Variants in GOSR1 observed in about 807,000 individuals in gnomAD.
GOSR1 encodes 28 kDa Golgi SNARE protein.
Under a neutral mutation model 35.5 loss-of-function variants are expected in GOSR1, and 21 were observed. That is an observed-to-expected ratio of 0.59 (90% CI 0.42 to 0.85). The LOEUF (loss-of-function observed/expected upper bound fraction) is 0.85. Ranked by LOEUF, GOSR1 falls within the 40% of genes least tolerant of loss-of-function variation. The probability of loss-of-function intolerance (pLI) is 0.00; values close to 1 mark genes in which losing one functional copy is unlikely to be tolerated. For synonymous variants in GOSR1, 94 were observed against 106.6 expected, an observed-to-expected ratio of 0.88 and a Z score of 0.73; for missense variants, 285 against 309.6, an observed-to-expected ratio of 0.92 and a Z score of 0.60.
At chr17:30,499,134 T>C (rs1967107100) in intron 6 of GOSR1, among the ~76,000 whole-genome samples, 1 of 152,198 alleles carries the variant, frequency 6.6e-6, no homozygotes, top group African/African-American at 2.4e-5. Flanking sequence ...CCTAGCATAG[T>C]GTTTCTAAGA....
rs1968150827 is a variant in GOSR1 at position 30,524,526 on chromosome 17, CATT to C, written c.*2149_*2151del. On this transcript the variant is annotated 3_prime_UTR_variant, in exon 9 of 9. Transcript: ENST00000451249. ...ACAGTCTTATATTTAAGGCACCAGT[CATT>C]GTTTCCATTTTTTTTTTAATTCTTC... The C allele has an allele frequency of 8.3e-6, 1 of 121,116 alleles. No individual in the cohort carries two copies. Among genetic ancestry groups the C allele is most frequent in the Non-Finnish European group, 1.7e-5 (1 of 57,222 alleles). The allele number at this position is 121,116 out of a possible 1,614,324, so 7.5% of individuals were successfully genotyped here.
At chr17:30,519,497 CACATTTTATG>C (rs1408307521) in intron 7 of GOSR1, among the ~76,000 whole-genome samples, 12 of 152,120 alleles carry the variant, frequency 7.9e-5, no homozygotes. Context: ...GTTGTGTATT[CACATTTTATG>C]ATATTTTATA....
At chr17:30,478,227 A>T (rs1914083242) in intron 1 of GOSR1, among the ~76,000 whole-genome samples, 1 of 152,248 alleles carries the variant, frequency 6.6e-6, no homozygotes, top group African/African-American at 2.4e-5. Flanking sequence ...TTCGTGGATT[A>T]TGATGATCAA....
chr17:30,519,278 T>C (rs1271597829), intron 7 of GOSR1, among the ~76,000 whole-genome samples: 1 of 151,996 alleles, frequency 6.6e-6, no homozygotes, highest in African/African-American at 2.4e-5. Flanking sequence ...GTCTTGAACT[T>C]TTGGGCTCAA....
intron 6 of GOSR1, among the ~76,000 whole-genome samples, chr17:30,506,298 AAAGGAAAAGTTCTTG>A (rs1380860628): frequency 6.6e-6 from 1 of 152,250 alleles, no homozygotes; most frequent in Non-Finnish European, 1.5e-5. Context: ...TTGTGAAAGC[AAAGGAAAAGTTCTTG>A]AAGGAAATTA....
Position 30,477,440 on chromosome 17 carries a change from G to A in GOSR1, c.7G>A (p.Ala3Thr), listed in dbSNP as rs11870440. The A allele has an allele frequency of 4.5e-4, 723 of 1,608,954 alleles. 1 individual carries two copies. In the African/African-American group the frequency reaches 9.0e-3, roughly 20 times the overall value. Residue 3 changes from alanine to threonine, a missense_variant, in exon 1 of 9, where the codon GCA becomes ACA. Ala to Thr is a moderately conservative substitution (Grantham distance 58). Around this residue, in one of 3 missense-constraint regions of GOSR1, gnomAD observed 108 missense variants for 98.9 expected, o/e 1.09. Coordinates refer to ENST00000451249, the MANE Select transcript of GOSR1 (RefSeq NM_001007025.2). Reference protein sequence around the residue: MAAGTSSYWEDLR... With the variant: MATGTSSYWEDLR... ...CTGACGTTGGACGACAAAGATGGCG[G>A]CAGGGACCAGCAGTTACTGGGAAGG...
At chr17:30,511,033 T>C (rs532793487) in intron 7 of GOSR1, 124 bp downstream of exon 7, 3 of 573,388 alleles carry the variant, frequency 5.2e-6, no homozygotes, top group Non-Finnish European at 9.4e-6. Context: ...CAAAGTTCGT[T>C]TATCCTCCTT....
At chr17:30,488,561 T>G (rs2143668302) in intron 4 of GOSR1, among the ~76,000 whole-genome samples, 1 of 145,554 alleles carries the variant, frequency 6.9e-6, no homozygotes, top group Non-Finnish European at 1.5e-5. Flanking sequence ...TGAAACAGAG[T>G]CTCGCTCTGT....
In GOSR1 at chr17:30,522,369, G is replaced by C; in HGVS notation, c.738G>C (p.Ala246=). The C allele has an allele frequency of 6.3e-7, 1 of 1,579,888 alleles. No homozygotes were observed. The highest frequency in any genetic ancestry group is 8.6e-7 in the Non-Finnish European group (1 of 1,162,688). ...GICTILLLLY[A]FH ...GTACCATCCTGTTGCTGCTGTATGC[G>C]TTCCATTGATGGGACATCTTCAGGG... The change falls in exon 9 of 9, where the codon GCG becomes GCC. Residue 246 remains alanine, a synonymous_variant. Coordinates refer to ENST00000451249, the MANE Select transcript of GOSR1 (RefSeq NM_001007025.2).
chr17:30,512,403 C>T (rs1030953055), intron 7 of GOSR1, among the ~76,000 whole-genome samples: 1 of 151,938 alleles, frequency 6.6e-6, no homozygotes, highest in Non-Finnish European at 1.5e-5. Context: ...TCCTATATAC[C>T]CTTTACCCAA....
At chr17:30,490,624 G>C (rs968237475) in intron 5 of GOSR1, among the ~76,000 whole-genome samples, 1 of 151,978 alleles carries the variant, frequency 6.6e-6, no homozygotes, top group Non-Finnish European at 1.5e-5. Flanking sequence ...TTCTCTTCCT[G>C]ATTATCACCT....
intron 1 of GOSR1, 99 bp downstream of exon 1, chr17:30,477,563 C>G (rs1914020062): frequency 1.4e-6 from 2 of 1,435,840 alleles, no homozygotes; most frequent in Admixed American, 4.6e-5. Flanking sequence ...ACCAGACTCC[C>G]GGAGCGGCCG....
Position 30,484,680 on chromosome 17 carries a change from TA to T in GOSR1, c.256del (p.Met86TrpfsTer13). 6.5e-7 allele frequency: 1 copy of T among 1,540,274 alleles called. No homozygotes were observed. The highest frequency in any genetic ancestry group is 8.8e-7 in the Non-Finnish European group (1 of 1,131,658). ...LLARLTGVND[K>X]MAEYTNSAGV... Reference sequence around the variant, plus strand: ...ATTTCTAGCTTACAGGGGTAAATGATAAAATGGCAGAATATACCAACAGTGC... The same window carrying T: ...ATTTCTAGCTTACAGGGGTAAATGATAAATGGCAGAATATACCAACAGTGC... On this transcript the variant is annotated frameshift_variant, in exon 4 of 9. Transcript: ENST00000451249. LOFTEE classifies it high-confidence loss of function.
At position 30,522,411 on chromosome 17, in the gene GOSR1, G is replaced by A. The variant is rs754846082; in HGVS notation, c.*33G>A. On this transcript the variant is annotated 3_prime_UTR_variant, in exon 9 of 9. Transcript: ENST00000451249. ...TCTTCAGGGACTCTTGACAGCCACC[G>A]CTTTCACACCCTGGTCTGGAATAAG... 9.2e-6 allele frequency: 14 copies of A among 1,518,752 alleles called. No homozygotes were observed. Among genetic ancestry groups the A allele is most frequent in the South Asian group, 3.9e-5 (3 of 76,290 alleles). The allele number at this position is 1,518,752 out of a possible 1,614,324, so 94.1% of individuals were successfully genotyped here.
chr17:30,522,213 A>G (rs1039341529), intron 8 of GOSR1, 41 bp from the exon 9 acceptor site: 9 of 1,549,244 alleles, frequency 5.8e-6, no homozygotes, highest in Non-Finnish European at 7.9e-6. Flanking sequence ...TTCGCCAGAG[A>G]GGCTTCTTCC....
intron 1 of GOSR1, 87 bp downstream of exon 1, chr17:30,477,551 G>A (rs1914019333): frequency 6.8e-7 from 1 of 1,479,658 alleles, no homozygotes; most frequent in South Asian, 1.3e-5. Flanking sequence ...GCACAGGAAA[G>A]AACCAGACTC....
chr17:30,498,651 C>T lies in GOSR1; in HGVS notation c.509+5898C>T, dbSNP rs1191201109. Among the ~76,000 whole-genome samples the T allele has an allele frequency of 3.3e-5, 5 of 152,078 alleles. No individual in the cohort carries two copies. In the East Asian group the frequency reaches 7.7e-4, roughly 23 times the overall value. ...TGCCTTTGTCTTCTCTTCTTAAATCCGTATCATTCCTCATACATTATTAAA... is the reference window on the plus strand; with the variant it reads ...TGCCTTTGTCTTCTCTTCTTAAATCTGTATCATTCCTCATACATTATTAAA... On this transcript the variant is annotated intron_variant, in intron 6 of 8. Coordinates refer to ENST00000451249, the MANE Select transcript of GOSR1 (RefSeq NM_001007025.2).
intron 6 of GOSR1, among the ~76,000 whole-genome samples, chr17:30,508,493 G>A (rs1025983288): frequency 6.6e-6 from 1 of 152,186 alleles, no homozygotes; most frequent in African/African-American, 2.4e-5. Flanking sequence ...TTCACCAGAT[G>A]CCTTTTGGCA....
intron 7 of GOSR1, 110 bp from the exon 8 acceptor site, chr17:30,519,829 C>G (rs2143927444): frequency 2.9e-6 from 2 of 681,926 alleles, no homozygotes; most frequent in East Asian, 2.7e-5. Flanking sequence ...TGGCACAGTG[C>G]TTTCTAAGAT....
Sources: allele counts gnomAD v4.1 joint callset (sites outside exome capture counted in the v4.1 genomes callset), GRCh38; gene constraint gnomAD v4.1.1; regional missense constraint gnomAD v4.1.1; transcripts MANE v1.5; gene names NCBI Gene and HGNC (gene_info 2026-07-23, HGNC 2026-07-21).